AHI1: variants seen among roughly 807,000 people sequenced by gnomAD.
AHI1 encodes Abelson helper integration site 1, also known as jouberin.
Under a neutral mutation model 149.3 loss-of-function variants are expected in AHI1, and 123 were observed. That is an observed-to-expected ratio of 0.82 (90% CI 0.71 to 0.96). AHI1 has a LOEUF of 0.96. AHI1 is among the 40% of genes least tolerant of loss of function. AHI1 has a pLI of 0.00. For synonymous variants in AHI1, 475 were observed against 459.8 expected (o/e 1.03, Z -0.42); for missense variants, 1,439 against 1,422.7 (o/e 1.01, Z -0.18).
chr6:135,409,414 A>G (rs1033062857), intron 21 of AHI1, among the ~76,000 whole-genome samples: 9 of 152,116 alleles, frequency 5.9e-5, no homozygotes, highest in Non-Finnish European at 1.3e-4. Flanking sequence ...TAGTTTTTAA[A>G]AAGATCTGGA....
At chr6:135,297,640 G>A (rs2128347524) in intron 27 of AHI1, 1 of 368,028 alleles carries the variant, frequency 2.7e-6, no homozygotes, top group Non-Finnish European at 5.4e-6. Flanking sequence ...GGCACACTGT[G>A]AGGTCACACA....
intron 23 of AHI1, among the ~76,000 whole-genome samples, chr6:135,358,947 C>G (rs1369119709): frequency 6.6e-6 from 1 of 152,214 alleles, no homozygotes; most frequent in African/African-American, 2.4e-5. Context: ...AGCAAACTAA[C>G]ATATAATTTA....
At chr6:135,303,192 G>C (rs1306426526) in intron 26 of AHI1, among the ~76,000 whole-genome samples, 3 of 152,166 alleles carry the variant, frequency 2.0e-5, no homozygotes, top group Non-Finnish European at 4.4e-5. Context: ...ACAACTCATA[G>C]ATAGCTTTGT....
intron 21 of AHI1, among the ~76,000 whole-genome samples, chr6:135,408,832 TC>T (rs1781177233): frequency 6.6e-6 from 1 of 152,188 alleles, no homozygotes. Flanking sequence ...AGAAGTATGG[TC>T]AAAGATATTT....
In AHI1 at chr6:135,389,029, G is replaced by A. The variant is rs112839854; in HGVS notation, c.3109+5747C>T. Among the ~76,000 whole-genome samples, 792 of 148,806 alleles carry A rather than the reference G, an allele frequency of 5.3e-3. 8 individuals carry two copies. Among genetic ancestry groups the A allele is most frequent in the African/African-American group, 0.018 (744 of 40,402 alleles). On this transcript the variant is annotated intron_variant, in intron 23 of 28. Coordinates refer to ENST00000265602, the MANE Select transcript of AHI1 (RefSeq NM_001134831.2). ...TTCCGTGTTAAAAAACAAAAAATACGGCCAAGTGCAGTGGCTCATACCTGT... is the reference window on the plus strand; with the variant it reads ...TTCCGTGTTAAAAAACAAAAAATACAGCCAAGTGCAGTGGCTCATACCTGT...
intron 20 of AHI1, among the ~76,000 whole-genome samples, chr6:135,415,755 C>T (rs1782279012): frequency 6.6e-6 from 1 of 152,114 alleles, no homozygotes; most frequent in African/African-American, 2.4e-5. Flanking sequence ...GGTTACAACC[C>T]CAATGTCCAT....
chr6:135,423,667 T>C (rs1783533913), intron 20 of AHI1, among the ~76,000 whole-genome samples: 1 of 152,152 alleles, frequency 6.6e-6, no homozygotes, highest in Admixed American at 6.6e-5. Flanking sequence ...TGAGTCTGAT[T>C]CCTGTGTTTC....
At position 135,309,215 on chromosome 6, in the gene AHI1, G is replaced by C. The variant is rs145007922; in HGVS notation, c.3427-8657C>G. Among the ~76,000 whole-genome samples, 635 of 152,302 alleles carry C rather than the reference G, an allele frequency of 4.2e-3. 8 individuals are homozygous for C. The highest frequency in any genetic ancestry group is 0.014 in the African/African-American group (597 of 41,574). Reference sequence around the variant, plus strand: ...GGTCATTTCAGGACTCTATTGTTGGGAGTGGAATCTATGGGTATGAGGTAA... The same window carrying C: ...GGTCATTTCAGGACTCTATTGTTGGCAGTGGAATCTATGGGTATGAGGTAA... On this transcript the variant is annotated intron_variant, in intron 26 of 28. Coordinates refer to ENST00000265602, the MANE Select transcript of AHI1 (RefSeq NM_001134831.2).
chr6:135,371,305 C>T (rs1775022867), intron 23 of AHI1, among the ~76,000 whole-genome samples: 1 of 152,132 alleles, frequency 6.6e-6, no homozygotes, highest in Admixed American at 6.5e-5. Context: ...ATAAGAAACC[C>T]TTTATCTTGG....
rs1164346355 is a variant in AHI1 at position 135,467,595 on chromosome 6, T to G, written c.175A>C (p.Thr59Pro). 6.2e-7 allele frequency: 1 copy of G among 1,609,704 alleles called. No individual in the cohort carries two copies. The highest frequency in any genetic ancestry group is 1.3e-5 in the African/African-American group (1 of 74,826). Residue 59 changes from threonine to proline, a missense_variant, in exon 6 of 29, where the codon ACT becomes CCT. Coordinates refer to ENST00000265602, the MANE Select transcript of AHI1 (RefSeq NM_001134831.2). ...GCAGTACTTACATCATCACTTGTAG[T>G]TTCTTTCATATAGTGAAGATTGCTT... ...IRSNLHYMKE[T>P]TSDDPDTIRS...
At chr6:135,465,108 A>G (rs1790530132) in intron 7 of AHI1, among the ~76,000 whole-genome samples, 1 of 152,202 alleles carries the variant, frequency 6.6e-6, no homozygotes, top group South Asian at 2.1e-4. Context: ...TTTAGGGGAA[A>G]TTGATGCTGA....
At chr6:135,472,474 T>G (rs1791907325) in intron 5 of AHI1, among the ~76,000 whole-genome samples, 2 of 152,236 alleles carry the variant, frequency 1.3e-5, no homozygotes, top group African/African-American at 4.8e-5. Context: ...TGTGCTAGTA[T>G]TAGATATGTT....
At chr6:135,319,244 G>T (rs1786442651) in intron 25 of AHI1, among the ~76,000 whole-genome samples, 1 of 152,196 alleles carries the variant, frequency 6.6e-6, no homozygotes, top group Non-Finnish European at 1.5e-5. Context: ...GGGAGGCCGA[G>T]GTGGGCAGAT....
In AHI1 at chr6:135,358,147, T is replaced by C. The variant is rs1034090474; in HGVS notation, c.3150A>G (p.Val1050=). Residue 1050 remains valine, a synonymous_variant, in exon 24 of 29, where the codon GTA becomes GTG. Coordinates refer to ENST00000265602, the MANE Select transcript of AHI1 (RefSeq NM_001134831.2). ...ACTGTCTTACCGTTGGTGCTGTATC[T>C]ACCTGATGGTTACAAGGCTTTCTTT... ...SIERKPCNHQ[V]DTAPTVVALY... The C allele has an allele frequency of 1.2e-6, 2 of 1,613,186 alleles. No homozygotes were observed. Among genetic ancestry groups the C allele is most frequent in the Non-Finnish European group, 1.7e-6 (2 of 1,179,456 alleles).
chr6:135,410,602 CT>C (rs1327104397), intron 21 of AHI1, among the ~76,000 whole-genome samples: 1 of 152,112 alleles, frequency 6.6e-6, no homozygotes, highest in Non-Finnish European at 1.5e-5. Context: ...CACTATTGAT[CT>C]GGTATTTTAA....
chr6:135,389,568 CAT>C (rs1466045041), intron 23 of AHI1, among the ~76,000 whole-genome samples: 8 of 152,116 alleles, frequency 5.3e-5, no homozygotes, highest in African/African-American at 1.7e-4. Flanking sequence ...AGAAGCTATT[CAT>C]AGTTTTAAAA....
At chr6:135,421,219 A>T (rs986621050) in intron 20 of AHI1, among the ~76,000 whole-genome samples, 3 of 152,180 alleles carry the variant, frequency 2.0e-5, no homozygotes, top group African/African-American at 7.2e-5. Context: ...CATAATAATG[A>T]AAAGGTTTGA....
intron 14 of AHI1, among the ~76,000 whole-genome samples, chr6:135,439,457 A>C (rs1341378225): frequency 6.6e-6 from 1 of 152,228 alleles, no homozygotes; most frequent in Non-Finnish European, 1.5e-5. Flanking sequence ...TATTTTACTT[A>C]ACGGTCACAA....
chr6:135,471,619 A>C (rs1246757009), intron 5 of AHI1, among the ~76,000 whole-genome samples: 1 of 152,008 alleles, frequency 6.6e-6, no homozygotes, highest in Non-Finnish European at 1.5e-5. Flanking sequence ...TTGTTCATTC[A>C]TGTTCCTATT....
Sources: gnomAD v4.1 joint callset for allele counts (sites outside exome capture counted in the v4.1 genomes callset) on GRCh38, gnomAD v4.1.1 for gene constraint, MANE v1.5 for transcripts, NCBI Gene and HGNC (gene_info 2026-07-23, HGNC 2026-07-21) for gene names.